Variants in SUCLG2 observed in about 807,000 individuals in gnomAD.
SUCLG2 encodes the protein succinate-CoA ligase GDP-forming subunit beta, also known as succinate--CoA ligase [GDP-forming] subunit beta, mitochondrial.
In SUCLG2, 42 loss-of-function variants were observed where a neutral mutation model predicts 47.9. The ratio of observed to expected loss-of-function variants is 0.88; its 90% CI spans 0.69 to 1.14. SUCLG2 has a LOEUF of 1.14. Among genes scored for constraint, SUCLG2 ranks in the 50% most tolerant of loss-of-function variants. The pLI is 0.00. For synonymous variants in SUCLG2, 195 were observed against 197.3 expected (o/e 0.99, Z 0.10); for missense variants, 571 against 525.9 (o/e 1.09, Z -0.84).
chr3:67,466,230 G>A (rs1704466998), intron 9 of SUCLG2, among the ~76,000 whole-genome samples: 1 of 152,176 alleles, frequency 6.6e-6, no homozygotes, highest in African/African-American at 2.4e-5. Flanking sequence ...GCATATGCCT[G>A]TAATCCCTGC....
intron 9 of SUCLG2, among the ~76,000 whole-genome samples, chr3:67,475,002 T>TAA (rs141612730): frequency 7.0e-6 from 1 of 142,956 alleles, no homozygotes; most frequent in African/African-American, 2.8e-5. Flanking sequence ...TTTCCTGGTC[T>TAA]AAAAAAAAAA....
chr3:67,475,020 G>C (rs972971935), intron 9 of SUCLG2, among the ~76,000 whole-genome samples: 1 of 146,202 alleles, frequency 6.8e-6, no homozygotes, highest in Non-Finnish European at 1.5e-5. Context: ...AAAAAAGAGA[G>C]GAAAAATCAT....
chr3:67,421,333 A>AAATATAAAAAG (rs1703153266), intron 9 of SUCLG2, among the ~76,000 whole-genome samples: 1 of 152,192 alleles, frequency 6.6e-6, no homozygotes, highest in Non-Finnish European at 1.5e-5. Context: ...GACACACGCT[A>AAATATAAAAAG]ACAGAGTCCT....
chr3:67,606,914 T>A (rs980430536), intron 2 of SUCLG2, among the ~76,000 whole-genome samples: 4 of 152,164 alleles, frequency 2.6e-5, no homozygotes, highest in African/African-American at 7.2e-5. Context: ...TCAACTGACA[T>A]AACATAGAAA....
intron 6 of SUCLG2, among the ~76,000 whole-genome samples, chr3:67,518,003 G>A (rs1259368344): frequency 6.6e-6 from 1 of 152,084 alleles, no homozygotes; most frequent in Non-Finnish European, 1.5e-5. Flanking sequence ...ATCATGAAGT[G>A]TATGTGTCCA....
intron 6 of SUCLG2, among the ~76,000 whole-genome samples, chr3:67,511,882 G>C (rs1705802965): frequency 1.3e-5 from 2 of 150,646 alleles, no homozygotes; most frequent in South Asian, 4.2e-4. Flanking sequence ...AGAGAGTGTT[G>C]CTTTGTCACC....
chr3:67,511,042 C>T (rs942521743), intron 6 of SUCLG2, among the ~76,000 whole-genome samples: 5 of 152,016 alleles, frequency 3.3e-5, no homozygotes, highest in African/African-American at 1.2e-4. Context: ...AGGTGTGCCA[C>T]CAAGCCTGGC....
chr3:67,583,717 A>G (rs1453570553), intron 2 of SUCLG2, among the ~76,000 whole-genome samples: 3 of 152,226 alleles, frequency 2.0e-5, no homozygotes, highest in Admixed American at 1.3e-4. Context: ...AGTTCCTTGC[A>G]GCTACAAGAC....
At chr3:67,636,856 G>A (rs1487027544) in intron 1 of SUCLG2, among the ~76,000 whole-genome samples, 1 of 151,488 alleles carries the variant, frequency 6.6e-6, no homozygotes, top group Non-Finnish European at 1.5e-5. Context: ...AGAGATCCTG[G>A]TGGAGGATAT....
chr3:67,534,768 C>CAAAAAAAAAAA (rs60612549), intron 2 of SUCLG2, among the ~76,000 whole-genome samples: 8 of 34,944 alleles, frequency 2.3e-4, no homozygotes, highest in Admixed American at 4.3e-4. Flanking sequence ...ACACTGATGG[C>CAAAAAAAAAAA]AAAAAAAAAA....
chr3:67,496,910 G>A (rs1336422467), intron 8 of SUCLG2, among the ~76,000 whole-genome samples: 1 of 152,078 alleles, frequency 6.6e-6, no homozygotes, highest in Non-Finnish European at 1.5e-5. Flanking sequence ...TAAATTTGGA[G>A]TAACTAAAAT....
chr3:67,557,740 A>G (rs1437547399), intron 2 of SUCLG2, among the ~76,000 whole-genome samples: 1 of 152,188 alleles, frequency 6.6e-6, no homozygotes, highest in Non-Finnish European at 1.5e-5. Context: ...TTAATAATTG[A>G]GAAATCCAAA....
At chr3:67,382,783 AAGT>A (rs1702185676) in intron 10 of SUCLG2, among the ~76,000 whole-genome samples, 1 of 152,186 alleles carries the variant, frequency 6.6e-6, no homozygotes, top group Non-Finnish European at 1.5e-5. Context: ...CGAAAGCCTA[AAGT>A]ATTTCAGCCC....
At chr3:67,581,800 T>C (rs78716266) in intron 2 of SUCLG2, among the ~76,000 whole-genome samples, 10,360 of 152,228 alleles carry the variant, frequency 0.068, 460 homozygotes, top group Middle Eastern at 0.12. Flanking sequence ...AGAATAATTA[T>C]AGAAAGACCC....
chr3:67,409,451 G>A (rs185936698), intron 9 of SUCLG2, among the ~76,000 whole-genome samples: 2 of 152,278 alleles, frequency 1.3e-5, no homozygotes, highest in Non-Finnish European at 2.9e-5. Context: ...AACTCTGTAA[G>A]TGGCTGCTTG....
chr3:67,399,582 C>A (rs1702637404), intron 10 of SUCLG2, among the ~76,000 whole-genome samples: 1 of 152,122 alleles, frequency 6.6e-6, no homozygotes. Flanking sequence ...TACTAAAAAG[C>A]TTTTCTAATA....
Position 67,430,585 on chromosome 3 carries a change from A to G in SUCLG2, c.1063-29734T>C, listed in dbSNP as rs1255140844. ...ACACATTCAAAAGCTAGCAGAAGGC[A>G]AGAAATAACTAAGATCAGAGCAGAA... is the stretch of plus-strand genomic sequence containing the variant. On this transcript the variant is annotated intron_variant, in intron 9 of 10. Coordinates refer to ENST00000307227, the MANE Select transcript of SUCLG2 (RefSeq NM_003848.4). Among the ~76,000 whole-genome samples, 3 of 152,338 alleles carry G rather than the reference A, an allele frequency of 2.0e-5. No homozygotes were observed. The East Asian group carries it at 5.8e-4, about 29-fold the overall frequency.
chr3:67,486,880 A>T (rs1423766855), intron 9 of SUCLG2, among the ~76,000 whole-genome samples: 2 of 152,194 alleles, frequency 1.3e-5, no homozygotes, highest in African/African-American at 4.8e-5. Context: ...TGGGTGACTA[A>T]AATTTTTCAC....
intron 1 of SUCLG2, among the ~76,000 whole-genome samples, chr3:67,612,048 C>G (rs1358140037): frequency 1.3e-5 from 2 of 152,138 alleles, no homozygotes; most frequent in Non-Finnish European, 2.9e-5. Context: ...CAAGACAACT[C>G]CACTTATTAA....
Sources: allele counts gnomAD v4.1 joint callset (sites outside exome capture counted in the v4.1 genomes callset), GRCh38; gene constraint gnomAD v4.1.1; transcripts MANE v1.5; gene names NCBI Gene and HGNC (gene_info 2026-07-23, HGNC 2026-07-21).